The following SVIP variants were observed in gnomAD, a reference collection of about 807,000 sequenced individuals.
SVIP encodes small VCP/p97-interacting protein.
SVIP carries 14 observed loss-of-function variants against 12.9 expected under a neutral mutation model. That is an observed-to-expected ratio of 1.08 (90% CI 0.72 to 1.70). The LOEUF (loss-of-function observed/expected upper bound fraction) is 1.70. Among genes scored for constraint, SVIP ranks in the 40% most tolerant of loss-of-function variants. The pLI, the probability that SVIP is intolerant of heterozygous loss-of-function variation, is 0.00. For missense variants in SVIP, 93 were observed against 90.8 expected, an observed-to-expected ratio of 1.02 and a Z score of -0.10; for synonymous variants, 35 against 33.3, an observed-to-expected ratio of 1.05 and a Z score of -0.17.
At chr11:22,824,445 CAT>C (rs1353475307) in intron 3 of SVIP, among the ~76,000 whole-genome samples, 192 of 105,962 alleles carry the variant, frequency 1.8e-3, no homozygotes, top group East Asian at 3.3e-3. Context: ...TACACACACA[CAT>C]ATATATATAT....
chr11:22,823,079 A>AG lies in SVIP; in HGVS notation c.*39_*40insC. 1 of 1,538,770 alleles carries AG rather than the reference A, an allele frequency of 6.5e-7. No homozygotes were observed. The highest frequency in any genetic ancestry group is 8.8e-7 in the Non-Finnish European group (1 of 1,134,466). On this transcript the variant is annotated 3_prime_UTR_variant, in exon 4 of 4. Transcript: ENST00000354193. ...GAAGCCCACTTGATTGCAGATAATAAACAGTTATTGGCAGTAGATTCTTCT... is the reference window on the plus strand; with the variant it reads ...GAAGCCCACTTGATTGCAGATAATAAGACAGTTATTGGCAGTAGATTCTTCT...
At position 22,820,961 on chromosome 11, in the gene SVIP, A is replaced by G. The variant is rs1857459208; in HGVS notation, c.*2158T>C. 1 of 151,800 alleles carries G rather than the reference A, an allele frequency of 6.6e-6. No individual in the cohort carries two copies. The highest frequency in any genetic ancestry group is 1.5e-5 in the Non-Finnish European group (1 of 67,960). The allele number at this position is 151,800 out of a possible 1,614,324, so 9.4% of individuals were successfully genotyped here. A position where few individuals can be genotyped will look rare whatever the true frequency, so the allele number is the denominator to read the frequency against. On this transcript the variant is annotated 3_prime_UTR_variant, in exon 4 of 4. Transcript: ENST00000354193. ...ATAATTTTCTCCTAAATTATTTACT[A>G]TGGGAAATTGGCTTCCACTTAAGGT...
At chr11:22,826,323 T>C (rs1857700589) in intron 3 of SVIP, among the ~76,000 whole-genome samples, 1 of 152,092 alleles carries the variant, frequency 6.6e-6, no homozygotes, top group South Asian at 2.1e-4. Context: ...TAGGCAAGTG[T>C]ATGTGTATAT....
intron 3 of SVIP, among the ~76,000 whole-genome samples, chr11:22,825,147 C>A (rs949906415): frequency 2.0e-5 from 3 of 151,986 alleles, no homozygotes; most frequent in Non-Finnish European, 4.4e-5. Context: ...GTCAGAAAGA[C>A]TCTACCTAGG....
Position 22,820,724 on chromosome 11 carries a change from AAC to A in SVIP, c.*2393_*2394del, listed in dbSNP as rs1223156852. On this transcript the variant is annotated 3_prime_UTR_variant, in exon 4 of 4. Transcript: ENST00000354193. ...AAATACCAGCAGTGGAACAAACAGA[AAC>A]ACAGAGATGTTTTAAAAAACATGCA... The A allele has an allele frequency of 6.6e-6, 1 of 152,210 alleles. No individual in the cohort carries two copies. Among genetic ancestry groups the A allele is most frequent in the Non-Finnish European group, 1.5e-5 (1 of 68,032 alleles). 9.4% of individuals were successfully genotyped at this position (152,210 alleles called of 1,614,324 possible).
intron 3 of SVIP, among the ~76,000 whole-genome samples, chr11:22,825,657 A>G (rs1256924874): frequency 2.0e-5 from 3 of 152,132 alleles, no homozygotes; most frequent in Non-Finnish European, 4.4e-5. Context: ...TATAAGGCCT[A>G]AATTTTTTTT....
In SVIP at chr11:22,821,718, A is replaced by G. The variant is rs995131948; in HGVS notation, c.*1401T>C. The G allele has an allele frequency of 2.0e-5, 3 of 152,206 alleles. No homozygotes were observed. The highest frequency in any genetic ancestry group is 7.2e-5 in the African/African-American group (3 of 41,454). The allele number at this position is 152,206 out of a possible 1,614,324, so 9.4% of individuals were successfully genotyped here. A position where few individuals can be genotyped will look rare whatever the true frequency, so the allele number is the denominator to read the frequency against. ...CCCTTTATGAACAAAAACAGCACGAATCCTCTAAAGAAGAAAATTGAGCCA... is the reference window on the plus strand; with the variant it reads ...CCCTTTATGAACAAAAACAGCACGAGTCCTCTAAAGAAGAAAATTGAGCCA... On this transcript the variant is annotated 3_prime_UTR_variant, in exon 4 of 4. Coordinates refer to ENST00000354193, the MANE Select transcript of SVIP (RefSeq NM_148893.3).
rs556864132 is a variant in SVIP, at chr11:22,822,902, C to T, written c.*217G>A. ...AAAATAGCAAATCACCCACTAACTG[C>T]AGAAGAGCAAATGTAGGAAAATCAG... On this transcript the variant is annotated 3_prime_UTR_variant, in exon 4 of 4. Coordinates refer to ENST00000354193, the MANE Select transcript of SVIP (RefSeq NM_148893.3). 434 of 485,900 alleles carry T rather than the reference C, an allele frequency of 8.9e-4. 5 individuals are homozygous for T. The East Asian group carries it at 0.014, about 16-fold the overall frequency. 30.1% of individuals were successfully genotyped at this position (485,900 alleles called of 1,614,324 possible).
At chr11:22,826,158 A>T (rs1013663229) in intron 3 of SVIP, among the ~76,000 whole-genome samples, 1 of 152,226 alleles carries the variant, frequency 6.6e-6, no homozygotes, top group Non-Finnish European at 1.5e-5. Context: ...AAAACTTCAT[A>T]AATTTTCATT....
rs116719519 is a variant in SVIP at position 22,824,100 on chromosome 11, C to T, written c.220-967G>A. ...CACTGGACTCTGAAGTTGGTAACCA[C>T]TGCACAGTGAACCTGCTATTCAGTA... On this transcript the variant is annotated intron_variant, in intron 3 of 3. Transcript: ENST00000354193. Among the ~76,000 whole-genome samples the T allele has an allele frequency of 5.7e-3, 862 of 152,268 alleles. 14 individuals carry two copies. The highest frequency in any genetic ancestry group is 0.019 in the African/African-American group (810 of 41,548).
rs1554915331 is a variant in SVIP at position 22,821,126 on chromosome 11, AAT to A, written c.*1991_*1992del. On this transcript the variant is annotated 3_prime_UTR_variant, in exon 4 of 4. Coordinates refer to ENST00000354193, the MANE Select transcript of SVIP (RefSeq NM_148893.3). ...TGTGTATATATATACACACATATAT[AAT>A]ATATATATTATATATATATATAATT... 2 of 147,466 alleles carry A rather than the reference AAT, an allele frequency of 1.4e-5. No homozygotes were observed. The highest frequency in any genetic ancestry group is 6.8e-5 in the Admixed American group (1 of 14,678). The allele number at this position is 147,466 out of a possible 1,614,324, so 9.1% of individuals were successfully genotyped here.
rs1205111496 is a variant in SVIP, at chr11:22,819,554, C to T, written c.*3565G>A. 6.6e-6 allele frequency: 1 copy of T among 152,276 alleles called. No homozygotes were observed. The highest frequency in any genetic ancestry group is 2.4e-5 in the African/African-American group (1 of 41,446). The allele number at this position is 152,276 out of a possible 1,614,324, so 9.4% of individuals were successfully genotyped here. A position where few individuals can be genotyped will look rare whatever the true frequency, so the allele number is the denominator to read the frequency against. ...TGGGAGGCCAAGGCGGCAGGGATCA[C>T]CTGAGGTCAGGAGTTCGAGACCAGC... On this transcript the variant is annotated 3_prime_UTR_variant, in exon 4 of 4. Coordinates refer to ENST00000354193, the MANE Select transcript of SVIP (RefSeq NM_148893.3).
At chr11:22,828,150 A>G (rs150088365) in intron 1 of SVIP, among the ~76,000 whole-genome samples, 1 of 152,348 alleles carries the variant, frequency 6.6e-6, no homozygotes, top group Non-Finnish European at 1.5e-5. Flanking sequence ...AGTCAGGGCA[A>G]TAACAAAACA....
chr11:22,827,391 CTA>C, intron 2 of SVIP, 71 bp from the exon 3 acceptor site: 2 of 1,279,036 alleles, frequency 1.6e-6, no homozygotes, highest in South Asian at 2.7e-5. Context: ...ATTTTTTTGT[CTA>C]TCTTTGCTTT....
At chr11:22,829,398 T>G (rs1166301901) in intron 1 of SVIP, 3 of 339,804 alleles carry the variant, frequency 8.8e-6, no homozygotes, top group Admixed American at 4.9e-5. Flanking sequence ...GCCCTCTGCG[T>G]GCGCCGGCGC....
chr11:22,824,015 A>G (rs980765255), intron 3 of SVIP, among the ~76,000 whole-genome samples: 2 of 152,134 alleles, frequency 1.3e-5, no homozygotes, highest in African/African-American at 2.4e-5. Flanking sequence ...CTGAGATTAC[A>G]CGTGTGAGTG....
intron 3 of SVIP, 95 bp downstream of exon 3, chr11:22,827,112 A>G: frequency 1.1e-6 from 1 of 941,302 alleles, no homozygotes; most frequent in Non-Finnish European, 1.7e-6. Flanking sequence ...AAATTTTCTG[A>G]TAATACATTT....
chr11:22,828,520 G>C (rs1287156759), intron 1 of SVIP, among the ~76,000 whole-genome samples: 1 of 152,192 alleles, frequency 6.6e-6, no homozygotes, highest in Non-Finnish European at 1.5e-5. Flanking sequence ...TGGCAGATAA[G>C]TAATGGGAGA....
rs200171015 is a variant in SVIP at position 22,823,135 on chromosome 11, T to C, written c.220-2A>G. 1.1e-4 allele frequency: 178 copies of C among 1,590,540 alleles called. No homozygotes were observed. Among genetic ancestry groups the C allele is most frequent in the Non-Finnish European group, 1.5e-4 (177 of 1,167,954 alleles). ...TGTTATGCTTTATGAAACTGTCCACTAGAAAAGATAAAAAAGAGACAGAAA... is the reference window on the plus strand; with the variant it reads ...TGTTATGCTTTATGAAACTGTCCACCAGAAAAGATAAAAAAGAGACAGAAA... On this transcript the variant is annotated splice_acceptor_variant, in intron 3 of 3. Coordinates refer to ENST00000354193, the MANE Select transcript of SVIP (RefSeq NM_148893.3). LOFTEE classifies it high-confidence loss of function.
Sources: gnomAD v4.1 joint callset for allele counts (sites outside exome capture counted in the v4.1 genomes callset) on GRCh38, gnomAD v4.1.1 for gene constraint, MANE v1.5 for transcripts, NCBI Gene and HGNC (gene_info 2026-07-23, HGNC 2026-07-21) for gene names.